Variants in CRK observed in about 807,000 individuals in gnomAD.
CRK encodes the protein CRK proto-oncogene, adaptor protein, also known as adapter molecule crk.
Under a neutral mutation model 29.8 loss-of-function variants are expected in CRK, and 4 were observed. That is an observed-to-expected ratio of 0.13 (90% CI 0.07 to 0.31). The LOEUF (loss-of-function observed/expected upper bound fraction) is 0.31, where lower values mean the gene tolerates loss of function less well. Among genes scored for constraint, CRK ranks in the 10% least tolerant of loss-of-function variants. CRK has a pLI of 1.00. For synonymous variants in CRK, 153 were observed against 164.9 expected, an observed-to-expected ratio of 0.93 and a Z score of 0.55; for missense variants, 274 against 396.5, an observed-to-expected ratio of 0.69 and a Z score of 2.62.
At chr17:1,428,007 T>G (rs1393658459) in intron 2 of CRK, among the ~76,000 whole-genome samples, 1 of 151,630 alleles carries the variant, frequency 6.6e-6, no homozygotes, top group Non-Finnish European at 1.5e-5. Context: ...AGGTGAAGGG[T>G]AGGTTGAAAA....
intron 2 of CRK, among the ~76,000 whole-genome samples, chr17:1,425,317 C>T (rs2073768201): frequency 2.0e-5 from 3 of 151,948 alleles, no homozygotes. Context: ...TGGTCTCGAT[C>T]TCCTGACCTC....
intron 1 of CRK, among the ~76,000 whole-genome samples, chr17:1,453,416 GAC>G (rs1265734910): frequency 6.6e-6 from 1 of 152,146 alleles, no homozygotes; most frequent in Non-Finnish European, 1.5e-5. Flanking sequence ...GAGTTTCAAT[GAC>G]AGTTTGCCAT....
At chr17:1,431,343 T>G (rs2073843478) in intron 2 of CRK, among the ~76,000 whole-genome samples, 1 of 152,104 alleles carries the variant, frequency 6.6e-6, no homozygotes, top group African/African-American at 2.4e-5. Context: ...ATGCAGTTCT[T>G]CCTCCAATTC....
chr17:1,442,487 C>T (rs763450400), intron 1 of CRK, among the ~76,000 whole-genome samples: 3 of 151,894 alleles, frequency 2.0e-5, no homozygotes, highest in Non-Finnish European at 2.9e-5. Context: ...ACTGAGATTA[C>T]AGATGTGAGC....
chr17:1,446,590 C>T (rs1483296935), intron 1 of CRK, among the ~76,000 whole-genome samples: 1 of 125,484 alleles, frequency 8.0e-6, no homozygotes, highest in Non-Finnish European at 1.6e-5. Context: ...CTCACTATGA[C>T]TTTTTTTTTT....
intron 1 of CRK, among the ~76,000 whole-genome samples, chr17:1,441,308 C>G (rs1258520617): frequency 6.6e-6 from 1 of 152,150 alleles, no homozygotes; most frequent in African/African-American, 2.4e-5. Flanking sequence ...ATCCTCTCAC[C>G]TTAGTCTCCT....
At chr17:1,452,785 C>T (rs1205661581) in intron 1 of CRK, among the ~76,000 whole-genome samples, 3 of 149,262 alleles carry the variant, frequency 2.0e-5, no homozygotes, top group Non-Finnish European at 4.4e-5. Context: ...AGTAAAAACT[C>T]GGTCTCAAAA....
Position 1,456,190 on chromosome 17 carries a change from A to G in CRK, c.-73T>C. The G allele has an allele frequency of 1.5e-6, 2 of 1,359,988 alleles. No homozygotes were observed. The highest frequency in any genetic ancestry group is 1.9e-6 in the Non-Finnish European group (2 of 1,061,238). The allele number at this position is 1,359,988 out of a possible 1,614,324, so 84.2% of individuals were successfully genotyped here. A position where few individuals can be genotyped will look rare whatever the true frequency, so the allele number is the denominator to read the frequency against. On this transcript the variant is annotated 5_prime_UTR_variant, in exon 1 of 3. Transcript: ENST00000300574. ...CTCCGGCCCCCGGCGCCCGCCGCCC[A>G]GCGGACCGGCTCCGGTTTCAGCTTC...
intron 2 of CRK, among the ~76,000 whole-genome samples, chr17:1,431,987 T>C (rs79938401): frequency 6.6e-6 from 1 of 152,330 alleles, no homozygotes; most frequent in African/African-American, 2.4e-5. Context: ...AAAGACTTCA[T>C]ACAGGACTTG....
chr17:1,447,129 AC>A (rs1243581532), intron 1 of CRK, among the ~76,000 whole-genome samples: 1 of 144,904 alleles, frequency 6.9e-6, no homozygotes, highest in Admixed American at 7.3e-5. Flanking sequence ...CCCAAACCTC[AC>A]CATGGCTGTG....
chr17:1,453,544 A>C (rs2074034391), intron 1 of CRK, among the ~76,000 whole-genome samples: 1 of 152,230 alleles, frequency 6.6e-6, no homozygotes, highest in East Asian at 1.9e-4. Flanking sequence ...TAATACTATT[A>C]AACAGGCCAC....
At chr17:1,450,045 C>CA (rs910731051) in intron 1 of CRK, among the ~76,000 whole-genome samples, 3 of 151,596 alleles carry the variant, frequency 2.0e-5, no homozygotes, top group African/African-American at 7.3e-5. Flanking sequence ...ACTAAAAATA[C>CA]AAAAAAATTA....
At chr17:1,432,923 A>G (rs563199459) in intron 2 of CRK, among the ~76,000 whole-genome samples, 3 of 152,346 alleles carry the variant, frequency 2.0e-5, no homozygotes, top group East Asian at 3.9e-4. Flanking sequence ...TGACTAAAAT[A>G]TAACAAGCAT....
At chr17:1,452,553 C>T (rs1049357337) in intron 1 of CRK, among the ~76,000 whole-genome samples, 2 of 151,984 alleles carry the variant, frequency 1.3e-5, no homozygotes, top group South Asian at 2.1e-4. Context: ...TTTGGGAGGC[C>T]GAGGTGGGTG....
intron 1 of CRK, among the ~76,000 whole-genome samples, chr17:1,442,904 G>T (rs1194326978): frequency 6.6e-6 from 1 of 150,976 alleles, no homozygotes; most frequent in Non-Finnish European, 1.5e-5. Context: ...ACTGTGCCTG[G>T]TATGTGACAG....
chr17:1,430,098 G>A (rs533107096), intron 2 of CRK, among the ~76,000 whole-genome samples: 40 of 150,878 alleles, frequency 2.7e-4, no homozygotes, highest in African/African-American at 9.3e-4. Context: ...AGGCTGGAGT[G>A]CAGTGGCACA....
intron 2 of CRK, among the ~76,000 whole-genome samples, chr17:1,435,226 AT>A (rs1318715942): frequency 6.6e-6 from 1 of 151,756 alleles, no homozygotes; most frequent in Non-Finnish European, 1.5e-5. Flanking sequence ...TGCCCAGCTA[AT>A]TTTTTGTAGA....
At chr17:1,451,312 C>T (rs1173262258) in intron 1 of CRK, among the ~76,000 whole-genome samples, 1 of 151,752 alleles carries the variant, frequency 6.6e-6, no homozygotes, top group African/African-American at 2.4e-5. Context: ...CTCACTGCAA[C>T]CTCTGCCTCC....
intron 1 of CRK, among the ~76,000 whole-genome samples, chr17:1,445,818 T>C (rs28693608): frequency 4.5e-4 from 69 of 152,326 alleles, no homozygotes; most frequent in African/African-American, 1.7e-3. Flanking sequence ...TGATCACAGC[T>C]GGGTGGAGAA....
Sources: gnomAD v4.1 joint callset for allele counts (sites outside exome capture counted in the v4.1 genomes callset) on GRCh38, gnomAD v4.1.1 for gene constraint, MANE v1.5 for transcripts, NCBI Gene and HGNC (gene_info 2026-07-23, HGNC 2026-07-21) for gene names.